Variants in EPHA6 observed in about 807,000 individuals in gnomAD.
EPHA6 encodes ephrin type-A receptor 6.
In EPHA6, 50 loss-of-function variants were observed where a neutral mutation model predicts 112.0. That is an observed-to-expected ratio of 0.45 (90% CI 0.36 to 0.56). EPHA6 has a LOEUF of 0.56. Among genes scored for constraint, EPHA6 ranks in the 20% least tolerant of loss-of-function variants. The probability of loss-of-function intolerance (pLI) is 0.00; values close to 1 mark genes in which losing one functional copy is unlikely to be tolerated. For synonymous variants in EPHA6, 529 were observed against 490.7 expected, an observed-to-expected ratio of 1.08 and a Z score of -1.03; for missense variants, 1,280 against 1,417.4, an observed-to-expected ratio of 0.90 and a Z score of 1.56.
chr3:97,621,864 G>T (rs1269788832), intron 13 of EPHA6, among the ~76,000 whole-genome samples: 1 of 151,850 alleles, frequency 6.6e-6, no homozygotes. Flanking sequence ...CAATGGCTTG[G>T]TCCCAGGCAG....
chr3:97,234,146 A>G (rs1260575274), intron 4 of EPHA6, among the ~76,000 whole-genome samples: 1 of 152,140 alleles, frequency 6.6e-6, no homozygotes, highest in Non-Finnish European at 1.5e-5. Context: ...GCTACAGTCT[A>G]AAGAAAATTA....
intron 1 of EPHA6, among the ~76,000 whole-genome samples, chr3:96,866,319 G>A (rs2036307933): frequency 6.6e-6 from 1 of 151,990 alleles, no homozygotes; most frequent in African/African-American, 2.4e-5. Flanking sequence ...ACTACCTAGT[G>A]TATATAATAA....
chr3:96,969,090 T>C (rs1246786334), intron 2 of EPHA6, among the ~76,000 whole-genome samples: 1 of 151,898 alleles, frequency 6.6e-6, no homozygotes, highest in Non-Finnish European at 1.5e-5. Context: ...AAAACAACTC[T>C]TCTAACTTCT....
intron 11 of EPHA6, among the ~76,000 whole-genome samples, chr3:97,550,722 G>T (rs541065614): frequency 3.4e-4 from 51 of 152,166 alleles, no homozygotes; most frequent in Non-Finnish European, 6.3e-4. Context: ...GAAATCCTGT[G>T]TGATATTAAG....
chr3:97,440,502 C>T (rs936421734), intron 6 of EPHA6, among the ~76,000 whole-genome samples: 32 of 151,382 alleles, frequency 2.1e-4, no homozygotes, highest in African/African-American at 7.5e-4. Context: ...CAACAAATTT[C>T]CTGTAGCAGA....
intron 1 of EPHA6, among the ~76,000 whole-genome samples, chr3:96,855,111 T>C (rs1036220301): frequency 6.6e-6 from 1 of 152,168 alleles, no homozygotes. Context: ...CCAGCAATAT[T>C]GCATTTCTGC....
chr3:97,195,154 T>C (rs1238440281), intron 3 of EPHA6, among the ~76,000 whole-genome samples: 2 of 152,018 alleles, frequency 1.3e-5, no homozygotes, highest in African/African-American at 4.8e-5. Context: ...CTTTCTCCCT[T>C]TCCTTCTTTC....
chr3:97,445,515 G>A (rs889167171), intron 6 of EPHA6, among the ~76,000 whole-genome samples: 3 of 152,110 alleles, frequency 2.0e-5, no homozygotes, highest in Non-Finnish European at 1.5e-5. Flanking sequence ...TACCTTGTAT[G>A]AAAACTTATG....
At chr3:96,908,993 T>TTCTTTTGC (rs2039077786) in intron 2 of EPHA6, among the ~76,000 whole-genome samples, 1 of 151,956 alleles carries the variant, frequency 6.6e-6, no homozygotes, top group Non-Finnish European at 1.5e-5. Flanking sequence ...AGCCAAAGGT[T>TTCTTTTGC]TCTTTTGCTT....
At chr3:97,663,320 T>C (rs1387122797) in intron 14 of EPHA6, among the ~76,000 whole-genome samples, 1 of 152,024 alleles carries the variant, frequency 6.6e-6, no homozygotes, top group Non-Finnish European at 1.5e-5. Flanking sequence ...GGAGCCTTTT[T>C]TTTTCTTTTT....
chr3:97,169,270 G>A lies in EPHA6; in HGVS notation c.1115-56994G>A, dbSNP rs373836687. ...AAGCAATCAAATCACATTCAATGTA[G>A]CATCACATGTGCTGAGGCTAGATGT... On this transcript the variant is annotated intron_variant, in intron 3 of 17. Transcript: ENST00000389672. Among the ~76,000 whole-genome samples the A allele has an allele frequency of 8.5e-5, 13 of 152,272 alleles. No individual in the cohort carries two copies. The East Asian group carries it at 2.5e-3, about 29-fold the overall frequency.
intron 14 of EPHA6, among the ~76,000 whole-genome samples, chr3:97,712,907 T>C (rs567408022): frequency 2.2e-4 from 34 of 152,292 alleles, no homozygotes; most frequent in African/African-American, 5.1e-4. Flanking sequence ...AGTCTTTCCA[T>C]AGTTAAGAAT....
At chr3:97,543,616 T>C (rs957490426) in intron 11 of EPHA6, among the ~76,000 whole-genome samples, 2 of 152,172 alleles carry the variant, frequency 1.3e-5, no homozygotes, top group Admixed American at 6.5e-5. Flanking sequence ...AAGTAGTTTT[T>C]TCCAATTCTG....
At chr3:97,052,106 C>G (rs555486079) in intron 3 of EPHA6, among the ~76,000 whole-genome samples, 1 of 152,188 alleles carries the variant, frequency 6.6e-6, no homozygotes, top group Admixed American at 6.6e-5. Context: ...GACAAAGTGA[C>G]TTGGCTATGT....
At chr3:96,847,760 T>C (rs1375047656) in intron 1 of EPHA6, among the ~76,000 whole-genome samples, 3 of 152,228 alleles carry the variant, frequency 2.0e-5, no homozygotes, top group South Asian at 2.1e-4. Flanking sequence ...GAAGCCAAAA[T>C]TCAGTTTCCC....
intron 10 of EPHA6, among the ~76,000 whole-genome samples, chr3:97,506,465 T>C (rs1185238042): frequency 1.3e-5 from 2 of 152,224 alleles, no homozygotes; most frequent in Non-Finnish European, 2.9e-5. Flanking sequence ...CTTGTTTTTG[T>C]AAGGCTTGTC....
intron 5 of EPHA6, among the ~76,000 whole-genome samples, chr3:97,257,516 C>T (rs1053404317): frequency 1.3e-5 from 2 of 151,868 alleles, no homozygotes; most frequent in African/African-American, 4.8e-5. Context: ...AAATTGGACT[C>T]GTTGATTTTT....
chr3:97,038,197 A>G (rs1431865864), intron 3 of EPHA6, among the ~76,000 whole-genome samples: 1 of 151,934 alleles, frequency 6.6e-6, no homozygotes, highest in African/African-American at 2.4e-5. Context: ...GTTGAAATGC[A>G]TAATATATTA....
chr3:97,375,044 G>C (rs992639977), intron 5 of EPHA6, among the ~76,000 whole-genome samples: 1 of 152,018 alleles, frequency 6.6e-6, no homozygotes, highest in African/African-American at 2.4e-5. Context: ...AGGCAAAAAT[G>C]GTTCTTAGTG....
Sources: allele counts gnomAD v4.1 joint callset (sites outside exome capture counted in the v4.1 genomes callset), GRCh38; gene constraint gnomAD v4.1.1; transcripts MANE v1.5; gene names NCBI Gene and HGNC (gene_info 2026-07-23, HGNC 2026-07-21).